Variants in WIPF1 observed in about 807,000 individuals in gnomAD.
The protein encoded by WIPF1 is WAS/WASL-interacting protein family member 1.
A neutral mutation model predicts 35.4 loss-of-function variants in WIPF1; 13 were observed. The ratio of observed to expected loss-of-function variants is 0.37; its 90% confidence interval spans 0.24 to 0.58. WIPF1 has a LOEUF of 0.58. Ranked by LOEUF, WIPF1 falls within the 20% of genes least tolerant of loss-of-function variation. The pLI is 0.74. For synonymous variants in WIPF1, 267 were observed against 266.3 expected, an observed-to-expected ratio of 1.00 and a Z score of -0.02; for missense variants, 591 against 667.0, an observed-to-expected ratio of 0.89 and a Z score of 1.25.
chr2:174,605,498 C>T (rs1008839367), intron 1 of WIPF1, among the ~76,000 whole-genome samples: 2 of 151,606 alleles, frequency 1.3e-5, no homozygotes, highest in African/African-American at 4.8e-5. Flanking sequence ...GTCAAATAAA[C>T]TAAAAAACAA....
intron 1 of WIPF1, among the ~76,000 whole-genome samples, chr2:174,629,283 C>T (rs1686940662): frequency 6.6e-6 from 1 of 152,126 alleles, no homozygotes; most frequent in Non-Finnish European, 1.5e-5. Flanking sequence ...TTATAAAAAA[C>T]ATTGTTATTT....
upstream of WIPF1, among the ~76,000 whole-genome samples, chr2:174,602,054 C>G (rs796129084): frequency 2.6e-5 from 4 of 152,292 alleles, no homozygotes; most frequent in African/African-American, 9.6e-5. Context: ...GATTGAAAGC[C>G]TGGATGAATA....
intron 1 of WIPF1, among the ~76,000 whole-genome samples, chr2:174,595,109 A>AAAATATAT (rs1553529785): frequency 3.5e-5 from 2 of 57,750 alleles, no homozygotes; most frequent in African/African-American, 9.0e-5. Context: ...AAAAAAAAAA[A>AAAATATAT]ATATATATAT....
chr2:174,559,983 T>C lies in WIPF1; in HGVS notation c.*2564A>G, dbSNP rs998248945. The C allele has an allele frequency of 3.3e-5, 5 of 152,620 alleles. No homozygotes were observed. The highest frequency in any genetic ancestry group is 1.2e-4 in the African/African-American group (5 of 41,448). The allele number at this position is 152,620 out of a possible 1,614,324, so 9.5% of individuals were successfully genotyped here. A position where few individuals can be genotyped will look rare whatever the true frequency, so the allele number is the denominator to read the frequency against. On this transcript the variant is annotated 3_prime_UTR_variant, in exon 8 of 8. Coordinates refer to ENST00000679041, the MANE Select transcript of WIPF1 (RefSeq NM_001375834.1). ...GGCTTTTACTAAATAAAATGCATAG[T>C]GAAATAAATACTGAACACTGAGTTT...
chr2:174,631,393 A>G (rs1687015393), intron 1 of WIPF1, among the ~76,000 whole-genome samples: 1 of 152,224 alleles, frequency 6.6e-6, no homozygotes, highest in African/African-American at 2.4e-5. Context: ...AATTCTACTT[A>G]TATGAGGTAC....
In WIPF1 at chr2:174,571,398, G is replaced by C; in HGVS notation, c.1129+278C>G. On this transcript the variant is annotated intron_variant, in intron 5 of 7. Coordinates refer to ENST00000679041, the MANE Select transcript of WIPF1 (RefSeq NM_001375834.1). The surrounding 1 kb of genome is among the most constrained non-coding windows in gnomAD (Gnocchi z 4.6). ...CAAGTACACTTCAGAGATGGAAGAT[G>C]AAAGTTCTTGCCTCTTCTTTATTAA... 3.3e-6 allele frequency: 2 copies of C among 607,802 alleles called. No individual in the cohort carries two copies. Among genetic ancestry groups the C allele is most frequent in the South Asian group, 3.9e-5 (2 of 50,810 alleles). The allele number at this position is 607,802 out of a possible 1,614,324, so 37.7% of individuals were successfully genotyped here. A position where few individuals can be genotyped will look rare whatever the true frequency, so the allele number is the denominator to read the frequency against.
chr2:174,629,057 C>T (rs971721310), intron 1 of WIPF1, among the ~76,000 whole-genome samples: 6 of 152,134 alleles, frequency 3.9e-5, no homozygotes, highest in African/African-American at 1.4e-4. Flanking sequence ...GTTCCCCTTC[C>T]CTTACAGCTA....
At chr2:174,662,868 G>T (rs1687808257) in intron 1 of WIPF1, among the ~76,000 whole-genome samples, 1 of 152,138 alleles carries the variant, frequency 6.6e-6, no homozygotes, top group South Asian at 2.1e-4. Flanking sequence ...TCTATATGAG[G>T]ACATGAATGC....
intron 1 of WIPF1, among the ~76,000 whole-genome samples, chr2:174,613,139 T>C (rs893813826): frequency 1.6e-4 from 8 of 50,374 alleles, no homozygotes; most frequent in Non-Finnish European, 3.0e-4. Flanking sequence ...GTTATGCACA[T>C]GCAGACGTGT....
Position 174,572,016 on chromosome 2 carries a change from T to G in WIPF1, c.789A>C (p.Lys263Asn), listed in dbSNP as rs1574791407. 1 of 1,544,162 alleles carries G rather than the reference T, an allele frequency of 6.5e-7. No individual in the cohort carries two copies. Among genetic ancestry groups the G allele is most frequent in the Non-Finnish European group, 8.7e-7 (1 of 1,148,684 alleles). ...CCACTGGAGGAGGTGGTGGAGGGGG[T>G]TTGTCATCCAAGGCCCTGCTGGGGG... is the stretch of plus-strand genomic sequence containing the variant. ...PPTPSRALDDKPPPPPPPVGN... is the reference protein window; with the variant it reads ...PPTPSRALDDNPPPPPPPVGN... The change falls in exon 5 of 8, where the codon AAA becomes AAC. Residue 263 changes from lysine (K) to asparagine (N), a missense_variant. Transcript: ENST00000679041.
intron 1 of WIPF1, among the ~76,000 whole-genome samples, chr2:174,633,657 A>G (rs1306299635): frequency 1.3e-5 from 2 of 151,758 alleles, no homozygotes; most frequent in Non-Finnish European, 2.9e-5. Flanking sequence ...GGCCTCAGGA[A>G]GAATAATCTT....
intron 4 of WIPF1, among the ~76,000 whole-genome samples, chr2:174,574,497 A>T (rs1029346056): frequency 6.6e-6 from 1 of 152,228 alleles, no homozygotes; most frequent in African/African-American, 2.4e-5. Context: ...TAAAAATGAA[A>T]ATTATTATAA....
In WIPF1 at chr2:174,561,794, C is replaced by T. The variant is rs1393787927; in HGVS notation, c.*753G>A. ...TGTCTAATCCAGTAGCCACCAGCCA[C>T]ATGTGGCTACTGAGCACTTAAAAAT... On this transcript the variant is annotated 3_prime_UTR_variant, in exon 8 of 8. Coordinates refer to ENST00000679041, the MANE Select transcript of WIPF1 (RefSeq NM_001375834.1). The T allele has an allele frequency of 3.2e-6, 1 of 313,878 alleles. No homozygotes were observed. The highest frequency in any genetic ancestry group is 6.0e-6 in the Non-Finnish European group (1 of 167,402). The allele number at this position is 313,878 out of a possible 1,614,324, so 19.4% of individuals were successfully genotyped here. A position where few individuals can be genotyped will look rare whatever the true frequency, so the allele number is the denominator to read the frequency against.
chr2:174,601,994 A>G (rs962879387), upstream of WIPF1, among the ~76,000 whole-genome samples: 1 of 152,210 alleles, frequency 6.6e-6, no homozygotes, highest in African/African-American at 2.4e-5. Context: ...AAAGGCTGTG[A>G]TGCGGATGGG....
In WIPF1 at chr2:174,646,567, C is replaced by T. The variant is rs1038823097; in HGVS notation, c.-39+36207G>A. The stretch of plus-strand genomic sequence containing the variant: ...TATTGTAGGTGGAAAATTTTATTCT[C>T]GGGAAATCTATATTAGAATTTCTCA... On this transcript the variant is annotated intron_variant, in intron 1 of 8. Transcript: ENST00000272746. Among the ~76,000 whole-genome samples, 11 of 152,262 alleles carry T rather than the reference C, an allele frequency of 7.2e-5. No individual in the cohort carries two copies. In the South Asian group the frequency reaches 1.2e-3, roughly 17 times the overall value.
chr2:174,586,139 G>A lies in WIPF1; in HGVS notation c.-38-528C>T, dbSNP rs148450521. On this transcript the variant is annotated intron_variant, in intron 1 of 7. Coordinates refer to ENST00000679041, the MANE Select transcript of WIPF1 (RefSeq NM_001375834.1). ...CCCTCAAAGTTCCTAGTCCTCCAGG[G>A]AGAGGGCATGGAGAATGTCAGGTGG... Among the ~76,000 whole-genome samples the A allele has an allele frequency of 9.9e-5, 15 of 152,266 alleles. No individual in the cohort carries two copies. In the East Asian group the frequency reaches 2.9e-3, roughly 29 times the overall value.
chr2:174,676,152 G>A (rs1688126305), intron 1 of WIPF1, among the ~76,000 whole-genome samples: 1 of 150,844 alleles, frequency 6.6e-6, no homozygotes, highest in African/African-American at 2.4e-5. Context: ...GTAGAGACTG[G>A]GTCCCACTAT....
intron 1 of WIPF1, among the ~76,000 whole-genome samples, chr2:174,643,304 T>G (rs1687337410): frequency 6.7e-6 from 1 of 149,776 alleles, no homozygotes; most frequent in South Asian, 2.1e-4. Flanking sequence ...CTGTTCCTAT[T>G]TATTTTTGTC....
chr2:174,585,501 T>C, intron 2 of WIPF1, 22 bp downstream of exon 2: 1 of 1,607,298 alleles, frequency 6.2e-7, no homozygotes, highest in Non-Finnish European at 8.5e-7. Flanking sequence ...GCATAGAAAG[T>C]GTTTGGGGAG....
Sources: gnomAD v4.1 joint callset for allele counts (sites outside exome capture counted in the v4.1 genomes callset) on GRCh38, gnomAD v4.1.1 for gene constraint, Gnocchi (gnomAD v3.1) non-coding constraint, MANE v1.5 for transcripts, NCBI Gene and HGNC (gene_info 2026-07-23, HGNC 2026-07-21) for gene names.